Variants in DICER1 observed in about 807,000 individuals in gnomAD.
DICER1 encodes dicer 1, ribonuclease III.
In DICER1, 43 loss-of-function variants were observed where a neutral mutation model predicts 194.1. That is an observed-to-expected ratio of 0.22 (90% CI 0.17 to 0.29). The LOEUF (loss-of-function observed/expected upper bound fraction) is 0.29. Among genes scored for constraint, DICER1 ranks in the 10% least tolerant of loss-of-function variants. DICER1 has a pLI of 1.00. For missense variants in DICER1, 1,608 were observed against 2,317.0 expected (o/e 0.69, Z 6.28); for synonymous variants, 832 against 820.5 (o/e 1.01, Z -0.24).
chr14:95,133,804 T>C (rs946780349), intron 1 of DICER1, among the ~76,000 whole-genome samples: 7 of 152,292 alleles, frequency 4.6e-5, no homozygotes, highest in Middle Eastern at 6.8e-3. Flanking sequence ...CTTTAAAATC[T>C]ACTGGTAAAA....
chr14:95,092,952 AG>A (rs1889976774), intron 24 of DICER1, among the ~76,000 whole-genome samples: 1 of 152,208 alleles, frequency 6.6e-6, no homozygotes, highest in Non-Finnish European at 1.5e-5. Flanking sequence ...GGCGCGTTAA[AG>A]TAAGAGCAGG....
rs1422991554 is a variant in DICER1 at position 95,087,354 on chromosome 14, A to G, written c.*3144T>C. On this transcript the variant is annotated 3_prime_UTR_variant, in exon 27 of 27. Transcript: ENST00000343455. ...ATAAAAGAAAAAAGAAAAGAAATAT[A>G]ACAAACATTTTAAAAACATAATTAA... 4.3e-6 allele frequency: 1 copy of G among 233,308 alleles called. No individual in the cohort carries two copies. The highest frequency in any genetic ancestry group is 2.2e-5 in the African/African-American group (1 of 45,346). 14.5% of individuals were successfully genotyped at this position (233,308 alleles called of 1,614,324 possible). A position where few individuals can be genotyped will look rare whatever the true frequency, so the allele number is the denominator to read the frequency against.
chr14:95,098,330 G>A (rs577808238), intron 22 of DICER1, among the ~76,000 whole-genome samples: 70 of 152,274 alleles, frequency 4.6e-4, no homozygotes, highest in African/African-American at 1.5e-3. Context: ...GCATGCAAAG[G>A]TTTCCACTTA....
chr14:95,117,545 A>G, intron 9 of DICER1, 77 bp downstream of exon 9: 1 of 1,477,176 alleles, frequency 6.8e-7, no homozygotes, highest in South Asian at 1.2e-5. Context: ...AACTATGAAA[A>G]AAGGGAGACC....
At chr14:95,119,468 C>G (rs1290865969) in intron 8 of DICER1, among the ~76,000 whole-genome samples, 1 of 152,216 alleles carries the variant, frequency 6.6e-6, no homozygotes, top group African/African-American at 2.4e-5. Context: ...CAGGACAAAG[C>G]TACAGGCTTC....
intron 6 of DICER1, among the ~76,000 whole-genome samples, chr14:95,127,007 AG>A (rs1893534023): frequency 6.6e-6 from 1 of 152,224 alleles, no homozygotes; most frequent in African/African-American, 2.4e-5. Context: ...CAAGGGGAGA[AG>A]AGGGGAAAGA....
At position 95,094,038 on chromosome 14, in the gene DICER1, G is replaced by C. The variant is rs761932150; in HGVS notation, c.5214C>G (p.Ala1738=). 2 of 1,613,948 alleles carry C rather than the reference G, an allele frequency of 1.2e-6. No homozygotes were observed. Among genetic ancestry groups the C allele is most frequent in the Admixed American group, 1.7e-5 (1 of 60,012 alleles). Residue 1738 remains alanine, a synonymous_variant, in exon 24 of 27, where the codon GCC becomes GCG. Coordinates refer to ENST00000343455, the MANE Select transcript of DICER1 (RefSeq NM_177438.3). ...ATGCAAAGATGGTGTTGTTGACCAG[G>C]GCAGACCGCAGGTCTGTCAGGACCC... ...SPGVLTDLRS[A]LVNNTIFASL... is the part of the protein sequence containing the mutation.
Position 95,126,744 on chromosome 14 carries a change from T to A in DICER1, c.739A>T (p.Thr247Ser). Residue 247 changes from threonine (T) to serine (S), a missense_variant, in exon 7 of 27, where the codon ACT (threonine) becomes TCT (serine). Transcript: ENST00000343455. ...ATDLVVLDRY[T>S]SQPCEIVVDC... ...ACCACAATCTCACATGGCTGAGAAG[T>A]ATACCTTTAACATAAGAAACAAAAG... 6.2e-7 allele frequency: 1 copy of A among 1,604,278 alleles called. No homozygotes were observed. The highest frequency in any genetic ancestry group is 8.5e-7 in the Non-Finnish European group (1 of 1,173,754).
rs773410751 is a variant in DICER1 at position 95,104,043 on chromosome 14, T to C, written c.3353A>G (p.Asn1118Ser). Residue 1118 changes from asparagine (N) to serine (S), a missense_variant, in exon 21 of 27, where the codon AAT becomes AGT. By Grantham distance (46) the Asn-to-Ser change is conservative (BLOSUM62 1). Coordinates refer to ENST00000343455, the MANE Select transcript of DICER1 (RefSeq NM_177438.3). ...ISISNSSSAE[N>S]DNYCKHSTIV... is the part of the protein sequence containing the mutation. The stretch of plus-strand genomic sequence containing the variant: ...TGTGCTGTGCTTACAGTAATTATCA[T>C]TTTCAGCTGAAGAGGAGTTAGAAAT... 2.0e-5 allele frequency: 32 copies of C among 1,614,010 alleles called. No homozygotes were observed. The Middle Eastern group carries it at 4.9e-4, about 25-fold the overall frequency.
intron 21 of DICER1, among the ~76,000 whole-genome samples, chr14:95,101,211 A>G (rs1030799704): frequency 3.0e-4 from 45 of 152,304 alleles, no homozygotes; most frequent in African/African-American, 1.0e-3. Flanking sequence ...AGTCTGTCCA[A>G]TGAGCTGCAA....
At chr14:95,109,371 T>C (rs1338328000) in intron 14 of DICER1, among the ~76,000 whole-genome samples, 1 of 152,200 alleles carries the variant, frequency 6.6e-6, no homozygotes, top group Non-Finnish European at 1.5e-5. Context: ...AATGTATCTA[T>C]TAATTAAACA....
intron 1 of DICER1, among the ~76,000 whole-genome samples, chr14:95,139,611 T>A (rs1894697009): frequency 2.0e-5 from 3 of 152,230 alleles, no homozygotes; most frequent in Non-Finnish European, 4.4e-5. Flanking sequence ...CCTGCTACAA[T>A]GTTCTGTATA....
At chr14:95,155,080 C>T (rs964253413) in intron 1 of DICER1, among the ~76,000 whole-genome samples, 1 of 152,204 alleles carries the variant, frequency 6.6e-6, no homozygotes, top group African/African-American at 2.4e-5. Context: ...CTCGGCTCTG[C>T]CACTTCGAGA....
chr14:95,091,260 C>G lies in DICER1; in HGVS notation c.5470G>C (p.Gly1824Arg), dbSNP rs752411788. The G allele has an allele frequency of 6.2e-7, 1 of 1,614,126 alleles. No homozygotes were observed. Among genetic ancestry groups the G allele is most frequent in the Non-Finnish European group, 8.5e-7 (1 of 1,180,026 alleles). ...TGCCAGACTGTCTCCAGTGACATCC[C>G]ACTATCCATGTAAATGGCACCAGCA... ...SLAGAIYMDS[G>R]MSLETVWQVY... Residue 1824 changes from glycine to arginine, a missense_variant, in exon 25 of 27, where the codon GGG (glycine) becomes CGG (arginine). By Grantham distance (125) the Gly-to-Arg change is moderately radical. Coordinates refer to ENST00000343455, the MANE Select transcript of DICER1 (RefSeq NM_177438.3).
At position 95,115,612 on chromosome 14, in the gene DICER1, G is replaced by C. The variant is rs572673376; in HGVS notation, c.1907+55C>G. The C allele has an allele frequency of 6.9e-6, 11 of 1,587,600 alleles. No individual in the cohort carries two copies. In the East Asian group the frequency reaches 2.5e-4, roughly 35 times the overall value. On this transcript the variant is annotated intron_variant, in intron 11 of 26. Transcript: ENST00000343455. ...CAACAATACAAAATGTACAGGTTTA[G>C]ACTTAAACTGTGCAACATTCCCAGG...
rs886037730 is a variant in DICER1, at chr14:95,129,577, A to G, written c.629T>C (p.Leu210Ser). 3 of 1,613,494 alleles carry G rather than the reference A, an allele frequency of 1.9e-6. No homozygotes were observed. Among genetic ancestry groups the G allele is most frequent in the Non-Finnish European group, 1.7e-6 (2 of 1,179,830 alleles). Residue 210 changes from leucine (L) to serine (S), a missense_variant, in exon 6 of 27, where the codon TTA becomes TCA. Leu to Ser is a moderately radical substitution (Grantham distance 145). Transcript: ENST00000343455. ...PRILGLTASI[L>S]NGKCDPEELE... ...TTCCTCTGGATCACATTTCCCATTT[A>G]AAATGGAAGCAGTTAGTCCCAAAAT...
In DICER1 at chr14:95,117,689, C is replaced by A. The variant is rs1307281391; in HGVS notation, c.1442G>T (p.Gly481Val). The part of the protein sequence containing the change: ...LAYISSNFIT[G>V]HGIGKNQPRN... ...AGGCTGATTCTTCCCAATGCCATGTCCAGTTATGAAATTGCTACTGATATA... is the reference window on the plus strand; with the variant it reads ...AGGCTGATTCTTCCCAATGCCATGTACAGTTATGAAATTGCTACTGATATA... The change falls in exon 9 of 27, where the codon GGA (glycine) becomes GTA (valine). Residue 481 changes from glycine to valine, a missense_variant. Physicochemically the swap from Gly to Val is moderately radical, Grantham distance 109. Transcript: ENST00000343455. 3 of 1,613,848 alleles carry A rather than the reference C, an allele frequency of 1.9e-6. No homozygotes were observed. The African/African-American group carries it at 4.0e-5, about 22-fold the overall frequency.
chr14:95,108,347 G>A lies in DICER1; in HGVS notation c.2413C>T (p.Leu805=), dbSNP rs1555370894. ...PEDTTRCFGI[L]TAKPIPQIPH... ...ACCTGAGGTATGGGTTTGGCCGTCA[G>A]TATTCCAAAGCATCTTGTGGTATCT... The change falls in exon 15 of 27, where the codon CTG becomes TTG. Residue 805 remains leucine, a synonymous_variant. Coordinates refer to ENST00000343455, the MANE Select transcript of DICER1 (RefSeq NM_177438.3). 6.2e-7 allele frequency: 1 copy of A among 1,613,834 alleles called. No homozygotes were observed. Among genetic ancestry groups the A allele is most frequent in the Non-Finnish European group, 8.5e-7 (1 of 1,180,000 alleles).
Position 95,124,774 on chromosome 14 carries a change from T to C in DICER1, c.904-106A>G, listed in dbSNP as rs147809738. On this transcript the variant is annotated intron_variant, in intron 7 of 26. Coordinates refer to ENST00000343455, the MANE Select transcript of DICER1 (RefSeq NM_177438.3). The surrounding 1 kb of genome is among the most constrained non-coding windows in gnomAD (Gnocchi z 4.5). The stretch of plus-strand genomic sequence containing the variant: ...AGTTGTTCTCAAATGGCTCCTTAAA[T>C]GTAACCCAGCCTTAGGTTAAGTCCC... 3.3e-3 allele frequency: 3,167 copies of C among 968,558 alleles called. 60 individuals are homozygous for C. In the African/African-American group the frequency reaches 0.045, roughly 14 times the overall value. 60.0% of individuals were successfully genotyped at this position (968,558 alleles called of 1,614,324 possible). A position where few individuals can be genotyped will look rare whatever the true frequency, so the allele number is the denominator to read the frequency against.
Sources: allele counts gnomAD v4.1 joint callset (sites outside exome capture counted in the v4.1 genomes callset), GRCh38; gene constraint gnomAD v4.1.1; non-coding constraint Gnocchi (gnomAD v3.1); transcripts MANE v1.5; gene names NCBI Gene and HGNC (gene_info 2026-07-23, HGNC 2026-07-21).